CDKAL1: variants seen among roughly 807,000 people sequenced by gnomAD.
CDKAL1 encodes the protein threonylcarbamoyladenosine tRNA methylthiotransferase.
In CDKAL1, 32 loss-of-function variants were observed where a neutral mutation model predicts 68.2. The ratio of observed to expected loss-of-function variants is 0.47; its 90% CI spans 0.35 to 0.63. The LOEUF is 0.63. Among genes scored for constraint, CDKAL1 ranks in the 30% least tolerant of loss-of-function variants. The pLI is 0.00. For missense variants in CDKAL1, 606 were observed against 696.7 expected (o/e 0.87, Z 1.47); for synonymous variants, 234 against 244.3 (o/e 0.96, Z 0.39).
chr6:20,984,388 A>G (rs1318269786), intron 10 of CDKAL1, among the ~76,000 whole-genome samples: 2 of 152,102 alleles, frequency 1.3e-5, no homozygotes, highest in African/African-American at 4.8e-5. Context: ...AAAAATCTCC[A>G]TGGAGGCCCT....
At chr6:20,596,079 T>A (rs1765809738) in intron 4 of CDKAL1, among the ~76,000 whole-genome samples, 1 of 152,162 alleles carries the variant, frequency 6.6e-6, no homozygotes, top group Non-Finnish European at 1.5e-5. Flanking sequence ...GGAGCTCTCC[T>A]GTATGAGGTG....
intron 9 of CDKAL1, among the ~76,000 whole-genome samples, chr6:20,891,976 T>A (rs1761429814): frequency 6.6e-6 from 1 of 152,236 alleles, no homozygotes; most frequent in African/African-American, 2.4e-5. Context: ...TTAGAGTTGC[T>A]GTTTTTTCAT....
At chr6:21,184,559 C>T (rs1453974383) in intron 13 of CDKAL1, among the ~76,000 whole-genome samples, 1 of 152,170 alleles carries the variant, frequency 6.6e-6, no homozygotes, top group African/African-American at 2.4e-5. Flanking sequence ...AAGTGATCTT[C>T]TAAGGTTTAT....
At chr6:20,892,250 G>A (rs1447525912) in intron 9 of CDKAL1, among the ~76,000 whole-genome samples, 2 of 152,166 alleles carry the variant, frequency 1.3e-5, no homozygotes, top group Admixed American at 6.5e-5. Context: ...GAGGGAGAGG[G>A]AGAGAGACTG....
At chr6:21,126,444 T>G (rs936819189) in intron 13 of CDKAL1, among the ~76,000 whole-genome samples, 1 of 152,218 alleles carries the variant, frequency 6.6e-6, no homozygotes, top group Admixed American at 6.5e-5. Flanking sequence ...GAATAAGTTA[T>G]GCTCATTGGC....
intron 13 of CDKAL1, among the ~76,000 whole-genome samples, chr6:21,171,358 G>A (rs765081114): frequency 4.0e-5 from 6 of 151,788 alleles, no homozygotes; most frequent in Non-Finnish European, 7.4e-5. Context: ...GATTACAGGC[G>A]CCCACCACCA....
At chr6:20,913,890 T>C (rs980059918) in intron 9 of CDKAL1, among the ~76,000 whole-genome samples, 10 of 152,224 alleles carry the variant, frequency 6.6e-5, no homozygotes, top group African/African-American at 2.4e-4. Flanking sequence ...CTCAGGAGGC[T>C]GAGGCAGGAA....
chr6:20,629,557 G>C (rs9465842), intron 4 of CDKAL1, among the ~76,000 whole-genome samples: 43,611 of 151,992 alleles, frequency 0.29, 6,372 homozygotes, highest in Middle Eastern at 0.37. Context: ...CACCCTTTCT[G>C]GTTCTAACAC....
At chr6:21,010,577 T>C (rs926373744) in intron 11 of CDKAL1, among the ~76,000 whole-genome samples, 4 of 152,078 alleles carry the variant, frequency 2.6e-5, no homozygotes, top group African/African-American at 9.7e-5. Context: ...GAGCCCTCAT[T>C]ATGTGAATGG....
chr6:20,547,069 C>T (rs576257886), intron 3 of CDKAL1, among the ~76,000 whole-genome samples: 2 of 152,028 alleles, frequency 1.3e-5, no homozygotes, highest in South Asian at 4.2e-4. Context: ...TTGAGTATTC[C>T]TAATCCAAAC....
intron 8 of CDKAL1, among the ~76,000 whole-genome samples, chr6:20,784,886 A>T (rs952379859): frequency 4.6e-5 from 7 of 152,104 alleles, no homozygotes; most frequent in Admixed American, 1.3e-4. Flanking sequence ...AATATTTAAA[A>T]TTTTTTTAAT....
At chr6:21,003,721 C>G (rs1561953319) in intron 11 of CDKAL1, among the ~76,000 whole-genome samples, 1 of 152,116 alleles carries the variant, frequency 6.6e-6, no homozygotes, top group Non-Finnish European at 1.5e-5. Flanking sequence ...TCTTTAGAGC[C>G]ACTAGCCTGG....
Position 21,011,867 on chromosome 6 carries a change from C to T in CDKAL1, c.1055+11495C>T, listed in dbSNP as rs150563492. On this transcript the variant is annotated intron_variant, in intron 11 of 15. Coordinates refer to ENST00000274695, the MANE Select transcript of CDKAL1 (RefSeq NM_017774.3). ...ACTAGGTTACATACATACATGCACACGTTTGCATGCATATATATTTATGTA... is the reference window on the plus strand; with the variant it reads ...ACTAGGTTACATACATACATGCACATGTTTGCATGCATATATATTTATGTA... 2.4e-3 allele frequency among the ~76,000 whole-genome samples: 366 copies of T among 152,108 alleles called. 3 individuals carry two copies. The highest frequency in any genetic ancestry group is 8.4e-3 in the African/African-American group (347 of 41,466).
At chr6:20,725,738 C>G (rs1480903080) in intron 5 of CDKAL1, among the ~76,000 whole-genome samples, 1 of 145,620 alleles carries the variant, frequency 6.9e-6, no homozygotes, top group Non-Finnish European at 1.5e-5. Context: ...CAGCTGAGAT[C>G]ATGCCATTGT....
chr6:20,706,154 A>C (rs145065020), intron 5 of CDKAL1, among the ~76,000 whole-genome samples: 1 of 152,166 alleles, frequency 6.6e-6, no homozygotes, highest in African/African-American at 2.4e-5. Context: ...GGCCCTCTCT[A>C]TGGAAAGCCC....
intron 11 of CDKAL1, among the ~76,000 whole-genome samples, chr6:21,064,300 A>G (rs952276887): frequency 4.6e-5 from 7 of 152,156 alleles, no homozygotes; most frequent in Non-Finnish European, 7.3e-5. Context: ...AGGATCCGGG[A>G]AAAAAAGATT....
At chr6:20,851,839 A>G (rs146489045) in intron 9 of CDKAL1, among the ~76,000 whole-genome samples, 2 of 152,002 alleles carry the variant, frequency 1.3e-5, no homozygotes, top group African/African-American at 4.8e-5. Context: ...AAACAATATG[A>G]GCAATATTTG....
chr6:20,899,786 T>A (rs553445618), intron 9 of CDKAL1, among the ~76,000 whole-genome samples: 74 of 152,284 alleles, frequency 4.9e-4, no homozygotes, highest in African/African-American at 1.7e-3. Context: ...GAGGTTGCAG[T>A]GAGTCAAGAT....
At chr6:20,828,969 G>A (rs1330621153) in intron 8 of CDKAL1, among the ~76,000 whole-genome samples, 3 of 152,042 alleles carry the variant, frequency 2.0e-5, no homozygotes, top group Admixed American at 6.6e-5. Flanking sequence ...GCTTTTTTCA[G>A]CTCGCATAAT....
Sources: gnomAD v4.1 joint callset for allele counts (sites outside exome capture counted in the v4.1 genomes callset) on GRCh38, gnomAD v4.1.1 for gene constraint, MANE v1.5 for transcripts, NCBI Gene and HGNC (gene_info 2026-07-23, HGNC 2026-07-21) for gene names.